Variants in FER observed in about 807,000 individuals in gnomAD.
FER encodes the protein FER tyrosine kinase.
FER carries 63 observed loss-of-function variants against 111.0 expected under a neutral mutation model. The observed-to-expected ratio is 0.57, with a 90% CI of 0.46 to 0.70. The LOEUF is 0.70. FER is among the 30% of genes least tolerant of loss of function. FER has a pLI of 0.00. For missense variants in FER, 914 were observed against 954.0 expected (o/e 0.96, Z 0.55); for synonymous variants, 327 against 313.9 (o/e 1.04, Z -0.44).
intron 16 of FER, among the ~76,000 whole-genome samples, chr5:109,079,997 T>A (rs537360778): frequency 1.3e-5 from 2 of 152,160 alleles, no homozygotes; most frequent in Non-Finnish European, 2.9e-5. Context: ...TTTAAGCTTA[T>A]AGGCTTGGTA....
intron 17 of FER, among the ~76,000 whole-genome samples, chr5:109,114,755 T>G (rs1414312678): frequency 6.6e-6 from 1 of 152,124 alleles, no homozygotes; most frequent in Non-Finnish European, 1.5e-5. Flanking sequence ...TACTCCAAAA[T>G]GAGAACAAAA....
At chr5:108,993,378 A>C (rs967886185) in intron 13 of FER, among the ~76,000 whole-genome samples, 9 of 152,192 alleles carry the variant, frequency 5.9e-5, no homozygotes, top group Admixed American at 2.6e-4. Flanking sequence ...CTCCACCAAA[A>C]AAATACGAAA....
At chr5:108,765,813 T>C (rs189593735) in intron 1 of FER, among the ~76,000 whole-genome samples, 126 of 152,270 alleles carry the variant, frequency 8.3e-4, no homozygotes, top group African/African-American at 3.0e-3. Flanking sequence ...ATTGGATACA[T>C]ATATAATGTG....
intron 2 of FER, among the ~76,000 whole-genome samples, chr5:108,795,438 T>C (rs750398011): frequency 2.0e-5 from 3 of 151,044 alleles, no homozygotes; most frequent in Non-Finnish European, 4.4e-5. Flanking sequence ...TTTGTGCCAC[T>C]GTACTCCAAC....
intron 9 of FER, among the ~76,000 whole-genome samples, chr5:108,886,497 T>A (rs564260127): frequency 6.6e-5 from 10 of 150,950 alleles, no homozygotes; most frequent in Non-Finnish European, 1.2e-4. Flanking sequence ...ACTCATTGAA[T>A]GTTATCTTTC....
intron 10 of FER, among the ~76,000 whole-genome samples, chr5:108,920,280 A>G (rs967371556): frequency 6.6e-6 from 1 of 152,040 alleles, no homozygotes; most frequent in Non-Finnish European, 1.5e-5. Context: ...TCACCCTGCA[A>G]CTTGGTTTTT....
At chr5:109,111,693 C>T (rs948346956) in intron 17 of FER, among the ~76,000 whole-genome samples, 5 of 151,972 alleles carry the variant, frequency 3.3e-5, no homozygotes, top group Admixed American at 6.6e-5. Context: ...TGGCAGAAGG[C>T]GAAGAGGGAG....
At chr5:108,900,079 C>T (rs1004165106) in intron 10 of FER, among the ~76,000 whole-genome samples, 1 of 152,072 alleles carries the variant, frequency 6.6e-6, no homozygotes, top group Non-Finnish European at 1.5e-5. Context: ...TAGATCTTGC[C>T]TATTTGCTGA....
At chr5:109,022,474 A>G (rs1412465048) in intron 13 of FER, among the ~76,000 whole-genome samples, 1 of 152,130 alleles carries the variant, frequency 6.6e-6, no homozygotes, top group Non-Finnish European at 1.5e-5. Context: ...CTTGAAGTGA[A>G]TATTTGACTT....
chr5:109,059,529 A>G (rs1022985355), intron 16 of FER, among the ~76,000 whole-genome samples: 1 of 152,158 alleles, frequency 6.6e-6, no homozygotes, highest in Non-Finnish European at 1.5e-5. Flanking sequence ...TCCATCTCAA[A>G]AAAACCCAGA....
At chr5:108,844,075 A>AACACATATATGTGTGAAC (rs879519915) in intron 5 of FER, among the ~76,000 whole-genome samples, 4 of 146,440 alleles carry the variant, frequency 2.7e-5, no homozygotes, top group Non-Finnish European at 4.4e-5. Flanking sequence ...TATGTGTGTG[A>AACACATATATGTGTGAAC]ACATATATGC....
At chr5:109,075,409 G>GCCAA (rs1409732652) in intron 16 of FER, among the ~76,000 whole-genome samples, 10 of 150,318 alleles carry the variant, frequency 6.7e-5, no homozygotes, top group South Asian at 4.2e-4. Flanking sequence ...AAATATCTTT[G>GCCAA]GAATGGCTTT....
intron 13 of FER, among the ~76,000 whole-genome samples, chr5:109,010,869 T>C (rs1156993842): frequency 6.6e-6 from 1 of 152,210 alleles, no homozygotes; most frequent in Non-Finnish European, 1.5e-5. Flanking sequence ...TTTTGAGTTT[T>C]GAATATTTTT....
intron 2 of FER, among the ~76,000 whole-genome samples, chr5:108,787,882 C>G (rs1168828434): frequency 2.6e-5 from 4 of 152,224 alleles, no homozygotes; most frequent in Non-Finnish European, 5.9e-5. Context: ...TGAAGCTCCT[C>G]TCTGCCTTGC....
At chr5:109,073,428 A>T (rs1387606731) in intron 16 of FER, among the ~76,000 whole-genome samples, 4 of 152,130 alleles carry the variant, frequency 2.6e-5, no homozygotes, top group Admixed American at 1.3e-4. Context: ...TTTAAGGATA[A>T]TATGAGCTCT....
At chr5:109,175,898 G>T (rs920917833) in intron 17 of FER, among the ~76,000 whole-genome samples, 8 of 152,204 alleles carry the variant, frequency 5.3e-5, no homozygotes, top group African/African-American at 1.9e-4. Flanking sequence ...AGAATCGCAT[G>T]AACGTGGGAG....
chr5:109,078,182 T>A (rs189275420), intron 16 of FER, among the ~76,000 whole-genome samples: 337 of 152,242 alleles, frequency 2.2e-3, no homozygotes, highest in African/African-American at 7.6e-3. Flanking sequence ...GAAAGACATA[T>A]GTGCCACTAG....
At chr5:109,184,347 C>T (rs1758623890) in intron 18 of FER, among the ~76,000 whole-genome samples, 1 of 152,130 alleles carries the variant, frequency 6.6e-6, no homozygotes, top group Non-Finnish European at 1.5e-5. Context: ...AACAATAGGA[C>T]CTTTTCCCTA....
At chr5:109,123,142 C>A (rs1341290395) in intron 17 of FER, among the ~76,000 whole-genome samples, 1 of 148,370 alleles carries the variant, frequency 6.7e-6, no homozygotes, top group Non-Finnish European at 1.5e-5. Flanking sequence ...CTCTTATTTC[C>A]TTCCTTCCTG....
Sources: allele counts gnomAD v4.1 joint callset (sites outside exome capture counted in the v4.1 genomes callset), GRCh38; gene constraint gnomAD v4.1.1; transcripts MANE v1.5; gene names NCBI Gene and HGNC (gene_info 2026-07-23, HGNC 2026-07-21).